CADPS: variants seen among roughly 807,000 people sequenced by gnomAD.
CADPS encodes the protein calcium dependent secretion activator.
Under a neutral mutation model 167.3 loss-of-function variants are expected in CADPS, and 57 were observed. The observed-to-expected ratio is 0.34, with a 90% CI of 0.28 to 0.42. The LOEUF is 0.42. Ranked by LOEUF, CADPS falls within the 20% of genes least tolerant of loss-of-function variation. CADPS has a pLI of 1.00. For missense variants in CADPS, 1,414 were observed against 1,738.1 expected (o/e 0.81, Z 3.32); for synonymous variants, 676 against 635.3 (o/e 1.06, Z -0.96).
chr3:62,435,608 T>C (rs2054840850), intron 28 of CADPS, among the ~76,000 whole-genome samples: 1 of 152,166 alleles, frequency 6.6e-6, no homozygotes, highest in Admixed American at 6.5e-5. Flanking sequence ...TCAGGTTATT[T>C]AGAAAGTAAG....
intron 6 of CADPS, among the ~76,000 whole-genome samples, chr3:62,620,849 A>C (rs890568792): frequency 6.6e-6 from 1 of 152,130 alleles, no homozygotes; most frequent in Non-Finnish European, 1.5e-5. Flanking sequence ...GGGATTCCTC[A>C]CTTCAAGCAG....
intron 3 of CADPS, among the ~76,000 whole-genome samples, chr3:62,751,644 C>G (rs142107014): frequency 6.6e-6 from 1 of 152,038 alleles, no homozygotes; most frequent in Non-Finnish European, 1.5e-5. Flanking sequence ...TGGTCTTGAA[C>G]TCCTGACCTC....
chr3:62,530,934 G>A (rs148108378), intron 13 of CADPS: 24 of 266,010 alleles, frequency 9.0e-5, no homozygotes, highest in East Asian at 8.5e-4. Context: ...AAAAGCAGGC[G>A]CAAATGCATT....
chr3:62,812,853 T>C (rs2094450333), intron 1 of CADPS, among the ~76,000 whole-genome samples: 1 of 152,146 alleles, frequency 6.6e-6, no homozygotes, highest in Non-Finnish European at 1.5e-5. Context: ...CCCTTTTAGT[T>C]AGTGACCCTC....
At chr3:62,452,923 G>A (rs1369351295) in intron 26 of CADPS, among the ~76,000 whole-genome samples, 1 of 152,054 alleles carries the variant, frequency 6.6e-6, no homozygotes, top group African/African-American at 2.4e-5. Flanking sequence ...AGACCAGCCT[G>A]GGCAAAATAG....
At chr3:62,735,512 T>C (rs2078820608) in intron 3 of CADPS, among the ~76,000 whole-genome samples, 1 of 152,168 alleles carries the variant, frequency 6.6e-6, no homozygotes, top group Admixed American at 6.5e-5. Flanking sequence ...TATATAATAA[T>C]AAGGAATCCA....
intron 6 of CADPS, among the ~76,000 whole-genome samples, chr3:62,609,159 A>T (rs1457347102): frequency 6.6e-6 from 1 of 152,224 alleles, no homozygotes; most frequent in Non-Finnish European, 1.5e-5. Flanking sequence ...GCAGCAAGTT[A>T]TGAACCTTAA....
At chr3:62,442,783 T>A (rs531621480) in intron 27 of CADPS, among the ~76,000 whole-genome samples, 9 of 152,144 alleles carry the variant, frequency 5.9e-5, no homozygotes, top group African/African-American at 2.2e-4. Flanking sequence ...CCAGGTGACC[T>A]TGGGCATGCT....
At chr3:62,542,674 T>C (rs1381345216) in intron 11 of CADPS, among the ~76,000 whole-genome samples, 1 of 152,144 alleles carries the variant, frequency 6.6e-6, no homozygotes, top group African/African-American at 2.4e-5. Context: ...CAAAAGAGGA[T>C]GGCTTCTTTG....
intron 1 of CADPS, among the ~76,000 whole-genome samples, chr3:62,812,250 T>A (rs942918372): frequency 7.9e-5 from 12 of 152,176 alleles, no homozygotes; most frequent in African/African-American, 2.7e-4. Context: ...CCTGCATGTG[T>A]ACATTTTATA....
intron 3 of CADPS, among the ~76,000 whole-genome samples, chr3:62,719,293 C>A (rs2075293864): frequency 6.6e-6 from 1 of 152,210 alleles, no homozygotes; most frequent in Admixed American, 6.5e-5. Context: ...AGGGCCTTGG[C>A]ACATGCTGTT....
intron 3 of CADPS, among the ~76,000 whole-genome samples, chr3:62,685,878 C>A (rs977937009): frequency 2.6e-5 from 4 of 152,024 alleles, no homozygotes; most frequent in African/African-American, 9.7e-5. Flanking sequence ...GGCAGTAATG[C>A]CTGGTACCTG....
rs1576748610 is a variant in CADPS, at chr3:62,491,446, C to T, written c.2919G>A (p.Leu973=). The T allele has an allele frequency of 4.3e-6, 7 of 1,614,008 alleles. No individual in the cohort carries two copies. The East Asian group carries it at 1.6e-4, about 36-fold the overall frequency. Residue 973 remains leucine, a synonymous_variant, in exon 21 of 30, where the codon CTG becomes CTA. Transcript: ENST00000383710. The part of the protein sequence containing the change: ...NLCNGKFHKH[L]QDLFAPLVVR... ...CAACAAGTGGGGCAAACAGGTCTTG[C>T]AGGTGTTTGTGAAATTTTCCATTGC... is the stretch of plus-strand genomic sequence containing the variant.
At chr3:62,631,221 G>A (rs1477536471) in intron 6 of CADPS, among the ~76,000 whole-genome samples, 1 of 152,054 alleles carries the variant, frequency 6.6e-6, no homozygotes, top group Non-Finnish European at 1.5e-5. Flanking sequence ...GAAGTTGGTA[G>A]TTAATCTGAG....
At position 62,802,926 on chromosome 3, in the gene CADPS, G is replaced by A. The variant is rs187452729; in HGVS notation, c.442-36942C>T. ...CCAAATAGGTCATTTCCAGCAATACGTCCACACTGTTAAGAGGCACTAGTT... is the reference window on the plus strand; with the variant it reads ...CCAAATAGGTCATTTCCAGCAATACATCCACACTGTTAAGAGGCACTAGTT... On this transcript the variant is annotated intron_variant, in intron 1 of 29. Coordinates refer to ENST00000383710, the MANE Select transcript of CADPS (RefSeq NM_003716.4). 5.1e-3 allele frequency among the ~76,000 whole-genome samples: 783 copies of A among 152,184 alleles called. 21 individuals carry two copies. The highest frequency in any genetic ancestry group is 0.047 in the Admixed American group (716 of 15,270).
At chr3:62,633,497 C>T (rs1473256328) in intron 6 of CADPS, among the ~76,000 whole-genome samples, 1 of 152,126 alleles carries the variant, frequency 6.6e-6, no homozygotes, top group Non-Finnish European at 1.5e-5. Flanking sequence ...TCTTCCCTCT[C>T]CCTGTGCTCC....
intron 6 of CADPS, among the ~76,000 whole-genome samples, chr3:62,607,798 C>T (rs2060894385): frequency 6.6e-6 from 1 of 152,182 alleles, no homozygotes; most frequent in South Asian, 2.1e-4. Context: ...TTGTCTCTTT[C>T]CCCAGGGACT....
intron 3 of CADPS, among the ~76,000 whole-genome samples, chr3:62,732,566 A>G (rs571615010): frequency 4.6e-5 from 7 of 152,220 alleles, no homozygotes; most frequent in African/African-American, 1.7e-4. Flanking sequence ...TCAAACCACT[A>G]TGTTTCAAGG....
At chr3:62,617,554 G>T (rs1028261381) in intron 6 of CADPS, among the ~76,000 whole-genome samples, 1 of 152,104 alleles carries the variant, frequency 6.6e-6, no homozygotes, top group African/African-American at 2.4e-5. Context: ...CTCATAGGCT[G>T]GTGGAGAAAC....
Sources: allele counts gnomAD v4.1 joint callset (sites outside exome capture counted in the v4.1 genomes callset), GRCh38; gene constraint gnomAD v4.1.1; transcripts MANE v1.5; gene names NCBI Gene and HGNC (gene_info 2026-07-23, HGNC 2026-07-21).